The following TMEM248 variants were observed in gnomAD, a reference collection of about 807,000 sequenced individuals.
TMEM248 encodes transmembrane protein 248.
In TMEM248, 9 loss-of-function variants were observed where a neutral mutation model predicts 30.3. The ratio of observed to expected loss-of-function variants is 0.30; its 90% CI spans 0.18 to 0.52. The LOEUF (loss-of-function observed/expected upper bound fraction) is 0.52, where lower values mean the gene tolerates loss of function less well. Ranked by LOEUF, TMEM248 falls within the 20% of genes least tolerant of loss-of-function variation. TMEM248 has a pLI of 0.97. For missense variants in TMEM248, 338 were observed against 403.3 expected, an observed-to-expected ratio of 0.84 and a Z score of 1.39; for synonymous variants, 184 against 154.4, an observed-to-expected ratio of 1.19 and a Z score of -1.42.
Position 66,955,577 on chromosome 7 carries a change from C to T in TMEM248, c.*55C>T. On this transcript the variant is annotated 3_prime_UTR_variant, in exon 7 of 7. Coordinates refer to ENST00000341567, the MANE Select transcript of TMEM248 (RefSeq NM_017994.5). ...CTGAGAGAACCATAATCCTTGCCTG[C>T]TGAACCCAGCCTGGGCCTGGATGCT... The T allele has an allele frequency of 6.2e-7, 1 of 1,606,896 alleles. No homozygotes were observed. Among genetic ancestry groups the T allele is most frequent in the South Asian group, 1.1e-5 (1 of 90,554 alleles).
rs1792381213 is a variant in TMEM248, at chr7:66,955,623, G to A, written c.*101G>A. ...ATGCTCTGTGAATACATTATCTTGC[G>A]ATGTTGGGTTATTCCAGCCAAAGAC... On this transcript the variant is annotated 3_prime_UTR_variant, in exon 7 of 7. Coordinates refer to ENST00000341567, the MANE Select transcript of TMEM248 (RefSeq NM_017994.5). The A allele has an allele frequency of 4.3e-6, 6 of 1,387,200 alleles. No homozygotes were observed. Among genetic ancestry groups the A allele is most frequent in the East Asian group, 2.3e-5 (1 of 43,536 alleles). 85.9% of individuals were successfully genotyped at this position (1,387,200 alleles called of 1,614,324 possible). A position where few individuals can be genotyped will look rare whatever the true frequency, so the allele number is the denominator to read the frequency against.
chr7:66,937,482 G>A (rs1432998691), intron 1 of TMEM248, among the ~76,000 whole-genome samples: 1 of 152,064 alleles, frequency 6.6e-6, no homozygotes, highest in Admixed American at 6.6e-5. Flanking sequence ...GATTGTACTG[G>A]GGTCTGTCTT....
At position 66,955,561 on chromosome 7, in the gene TMEM248, C is replaced by A; in HGVS notation, c.*39C>A. The stretch of plus-strand genomic sequence containing the variant: ...TGTTTTTTGAGAGAGACTGAGAGAA[C>A]CATAATCCTTGCCTGCTGAACCCAG... On this transcript the variant is annotated 3_prime_UTR_variant, in exon 7 of 7. Transcript: ENST00000341567. 6.2e-7 allele frequency: 1 copy of A among 1,613,208 alleles called. No homozygotes were observed. The highest frequency in any genetic ancestry group is 1.1e-5 in the South Asian group (1 of 90,956).
chr7:66,937,633 A>G (rs1048448882), intron 1 of TMEM248, among the ~76,000 whole-genome samples: 2 of 152,088 alleles, frequency 1.3e-5, no homozygotes, highest in African/African-American at 2.4e-5. Flanking sequence ...CTTGAAATCT[A>G]TTTAGTCTGA....
rs775714484 is a variant in TMEM248, at chr7:66,951,027, T to G, written c.672T>G (p.Asp224Glu). ...ACAAGATCTTCACAACTGCCAGAGA[T>G]GCCAACACAAAATACGCCCAAGATT... ...LWYKIFTTAR[D>E]ANTKYAQDYN... is the part of the protein sequence containing the mutation. Residue 224 changes from aspartate to glutamate, a missense_variant, in exon 5 of 7, where the codon GAT (aspartate) becomes GAG (glutamate). Asp to Glu is a conservative substitution (Grantham distance 45). Transcript: ENST00000341567. 10 of 1,613,084 alleles carry G rather than the reference T, an allele frequency of 6.2e-6. No homozygotes were observed. The South Asian group carries it at 1.1e-4, about 18-fold the overall frequency.
At chr7:66,947,578 T>C (rs1262402670) in intron 3 of TMEM248, among the ~76,000 whole-genome samples, 1 of 152,058 alleles carries the variant, frequency 6.6e-6, no homozygotes, top group Non-Finnish European at 1.5e-5. Context: ...AATTTTGTAT[T>C]TTTAGTGGAG....
chr7:66,955,974 C>T lies in TMEM248; in HGVS notation c.*452C>T, dbSNP rs1254226038. ...ATACGGTATTGCATTTCCAAAGCCA[C>T]CAATCCATTTTGTGGATTTTATGTG... On this transcript the variant is annotated 3_prime_UTR_variant, in exon 7 of 7. Coordinates refer to ENST00000341567, the MANE Select transcript of TMEM248 (RefSeq NM_017994.5). 1 of 158,430 alleles carries T rather than the reference C, an allele frequency of 6.3e-6. No individual in the cohort carries two copies. The highest frequency in any genetic ancestry group is 1.8e-4 in the East Asian group (1 of 5,430). The allele number at this position is 158,430 out of a possible 1,614,324, so 9.8% of individuals were successfully genotyped here. A position where few individuals can be genotyped will look rare whatever the true frequency, so the allele number is the denominator to read the frequency against.
chr7:66,929,426 ATTTTTTTTTTT>A (rs35126436), intron 1 of TMEM248, among the ~76,000 whole-genome samples: 7 of 97,676 alleles, frequency 7.2e-5, no homozygotes, highest in South Asian at 8.6e-4. Flanking sequence ...TGAGAGACAA[ATTTTTTTTTTT>A]TTTTTTTTTT....
chr7:66,935,684 A>C (rs943422903), intron 1 of TMEM248, among the ~76,000 whole-genome samples: 1 of 152,172 alleles, frequency 6.6e-6, no homozygotes, highest in Non-Finnish European at 1.5e-5. Context: ...CTGGGATTAT[A>C]GATGCACACC....
At chr7:66,953,409 G>A (rs1166177257) in intron 6 of TMEM248, 40 bp downstream of exon 6, 4 of 1,606,492 alleles carry the variant, frequency 2.5e-6, no homozygotes, top group East Asian at 2.2e-5. Context: ...TTTTACTAGA[G>A]GTCTCTGTAT....
chr7:66,937,871 T>C (rs2129222957), intron 1 of TMEM248, among the ~76,000 whole-genome samples: 1 of 152,182 alleles, frequency 6.6e-6, no homozygotes, highest in Admixed American at 6.5e-5. Flanking sequence ...CCACCACACC[T>C]GGCTAATTTT....
rs895926216 is a variant in TMEM248, at chr7:66,955,895, G to A, written c.*373G>A. ...CGCTGATGGGGTTGAAGTTTGGTTT[G>A]GTTCTTGTTTCAGCCCAATATGTAG... On this transcript the variant is annotated 3_prime_UTR_variant, in exon 7 of 7. Transcript: ENST00000341567. 5 of 231,192 alleles carry A rather than the reference G, an allele frequency of 2.2e-5. No individual in the cohort carries two copies. Among genetic ancestry groups the A allele is most frequent in the Non-Finnish European group, 4.2e-5 (5 of 120,006 alleles). The allele number at this position is 231,192 out of a possible 1,614,324, so 14.3% of individuals were successfully genotyped here.
intron 3 of TMEM248, 77 bp downstream of exon 3, chr7:66,945,338 T>C (rs1191458567): frequency 1.3e-6 from 2 of 1,481,524 alleles, no homozygotes; most frequent in South Asian, 1.2e-5. Context: ...TGTATGTTTT[T>C]ACTGACTATA....
At chr7:66,949,181 G>A (rs540884301) in intron 4 of TMEM248, among the ~76,000 whole-genome samples, 144 of 151,428 alleles carry the variant, frequency 9.5e-4, no homozygotes, top group Non-Finnish European at 1.9e-3. Flanking sequence ...AAAGAAAAGA[G>A]GCTCTCTAAA....
chr7:66,930,082 C>T (rs1213116119), intron 1 of TMEM248, among the ~76,000 whole-genome samples: 1 of 152,142 alleles, frequency 6.6e-6, no homozygotes, highest in Non-Finnish European at 1.5e-5. Flanking sequence ...ATCGCTTGCG[C>T]CCAGGAAGTC....
At chr7:66,951,949 G>A (rs189534815) in intron 5 of TMEM248, among the ~76,000 whole-genome samples, 261 of 152,100 alleles carry the variant, frequency 1.7e-3, no homozygotes, top group Admixed American at 4.5e-3. Flanking sequence ...GGTATGAGCC[G>A]CTGCACCTGG....
At chr7:66,941,561 A>AACACAC (rs72442084) in intron 1 of TMEM248, among the ~76,000 whole-genome samples, 1,907 of 142,766 alleles carry the variant, frequency 0.013, 22 homozygotes, top group African/African-American at 0.027. Context: ...TGTTTCTTAA[A>AACACAC]ACACACACAC....
In TMEM248 at chr7:66,958,501, G is replaced by T. The variant is rs756854137; in HGVS notation, c.*2979G>T. The T allele has an allele frequency of 6.6e-6, 1 of 152,600 alleles. No individual in the cohort carries two copies. Among genetic ancestry groups the T allele is most frequent in the East Asian group, 1.9e-4 (1 of 5,198 alleles). The allele number at this position is 152,600 out of a possible 1,614,324, so 9.5% of individuals were successfully genotyped here. On this transcript the variant is annotated 3_prime_UTR_variant, in exon 7 of 7. Coordinates refer to ENST00000341567, the MANE Select transcript of TMEM248 (RefSeq NM_017994.5). The stretch of plus-strand genomic sequence containing the variant: ...GCATTCACTTCCAGATTAATTTTCC[G>T]TGTTTGAAGTATGTGCATATGTGCT...
At chr7:66,954,116 G>A (rs1048609325) in intron 6 of TMEM248, among the ~76,000 whole-genome samples, 2 of 150,780 alleles carry the variant, frequency 1.3e-5, no homozygotes, top group African/African-American at 4.9e-5. Flanking sequence ...GCTAATTTTT[G>A]TATTTTTAGT....
Sources: allele counts gnomAD v4.1 joint callset (sites outside exome capture counted in the v4.1 genomes callset), GRCh38; gene constraint gnomAD v4.1.1; transcripts MANE v1.5; gene names NCBI Gene and HGNC (gene_info 2026-07-23, HGNC 2026-07-21).